Variants in OVGP1 observed in about 807,000 individuals in gnomAD.
The protein encoded by OVGP1 is oviductal glycoprotein 1, also known as oviduct-specific glycoprotein.
OVGP1 carries 26 observed loss-of-function variants against 48.2 expected under a neutral mutation model. The ratio of observed to expected loss-of-function variants is 0.54; its 90% CI spans 0.40 to 0.75. The LOEUF (loss-of-function observed/expected upper bound fraction) is 0.75, where lower values mean the gene tolerates loss of function less well. Among genes scored for constraint, OVGP1 ranks in the 30% least tolerant of loss-of-function variants. OVGP1 has a pLI of 0.00. For missense variants in OVGP1, 791 were observed against 820.6 expected (o/e 0.96, Z 0.44); for synonymous variants, 294 against 305.7 (o/e 0.96, Z 0.40).
At chr1:111,423,902 G>A (rs1239095082) in intron 4 of OVGP1, among the ~76,000 whole-genome samples, 194 bp from the exon 5 acceptor site, 1 of 152,212 alleles carries the variant, frequency 6.6e-6, no homozygotes, top group Non-Finnish European at 1.5e-5. Flanking sequence ...CAGGAGTAGG[G>A]AATTCAGGCA....
intron 6 of OVGP1, 36 bp from the exon 7 acceptor site, chr1:111,421,709 G>T: frequency 7.6e-7 from 1 of 1,308,272 alleles, no homozygotes; most frequent in Non-Finnish European, 1.1e-6. Flanking sequence ...TAAAGACTGG[G>T]CTAGCCAGAT....
Position 111,415,278 on chromosome 1 carries a change from G to C in OVGP1, c.1223C>G (p.Pro408Arg). The C allele has an allele frequency of 4.3e-6, 7 of 1,614,148 alleles. No individual in the cohort carries two copies. Among genetic ancestry groups the C allele is most frequent in the Non-Finnish European group, 5.9e-6 (7 of 1,180,018 alleles). ...SSAVNSSSTD[P>R]ERLAVTTAWT... ...TGCCGTGGTCACAGCCAGCCTTTCA[G>C]GGTCAGTGCTTGAAGAATTCACAGC... The change falls in exon 11 of 11, where the codon CCT becomes CGT. Residue 408 changes from proline to arginine, a missense_variant. Physicochemically the swap from Pro to Arg is moderately radical, Grantham distance 103. Coordinates refer to ENST00000369732, the MANE Select transcript of OVGP1 (RefSeq NM_002557.4).
chr1:111,421,616 G>C lies in OVGP1; in HGVS notation c.666C>G (p.Phe222Leu). The change falls in exon 7 of 11, where the codon TTC (phenylalanine) becomes TTG (leucine). Residue 222 changes from phenylalanine to leucine, a missense_variant. Physicochemically the swap from Phe to Leu is conservative, Grantham distance 22. Transcript: ENST00000369732. The stretch of plus-strand genomic sequence containing the variant: ...AGAAGAGGGGGCTATTATGTCCTGT[G>C]AACCTTTCCCAACTTCCATGTAAGT... Reference protein sequence around the residue: ...SYDLHGSWERFTGHNSPLFSL... With the variant: ...SYDLHGSWERLTGHNSPLFSL... 1 of 1,613,336 alleles carries C rather than the reference G, an allele frequency of 6.2e-7. No homozygotes were observed. The highest frequency in any genetic ancestry group is 8.5e-7 in the Non-Finnish European group (1 of 1,179,260).
chr1:111,426,853 T>C (rs751925258), intron 2 of OVGP1: 15 of 1,548,456 alleles, frequency 9.7e-6, no homozygotes, highest in Non-Finnish European at 1.3e-5. Flanking sequence ...TGTGAAATCC[T>C]GGTCAGAACA....
rs200108126 is a variant in OVGP1, at chr1:111,419,670, C to T, written c.960G>A (p.Pro320=). The part of the protein sequence containing the change: ...KKHWIDYQYV[P]YANKGKEWVG... Reference sequence around the variant, plus strand: ...CCCACTCTTTCCCCTTGTTGGCATACGGGACATACTGGTAATCAATCCAGT... The same window carrying T: ...CCCACTCTTTCCCCTTGTTGGCATATGGGACATACTGGTAATCAATCCAGT... Residue 320 remains proline, a synonymous_variant, in exon 9 of 11, where the codon CCG becomes CCA. Coordinates refer to ENST00000369732, the MANE Select transcript of OVGP1 (RefSeq NM_002557.4). 1.1e-4 allele frequency: 180 copies of T among 1,613,712 alleles called. No homozygotes were observed. In the Middle Eastern group the frequency reaches 3.5e-3, roughly 31 times the overall value.
At position 111,427,707 on chromosome 1, in the gene OVGP1, C is replaced by G; in HGVS notation, c.15G>C (p.Leu5Phe). Residue 5 changes from leucine to phenylalanine, a missense_variant, in exon 1 of 11, where the codon TTG becomes TTC. Physicochemically the swap from Leu to Phe is conservative, Grantham distance 22. Coordinates refer to ENST00000369732, the MANE Select transcript of OVGP1 (RefSeq NM_002557.4). ...ACCTGCCACACTCACCAACCCACAG[C>G]AACAGCTTCCACATCTCAATGGTCT... Reference protein sequence around the residue: MWKLLLWVGLVLVLK... With the variant: MWKLFLWVGLVLVLK... The G allele has an allele frequency of 6.2e-7, 1 of 1,612,798 alleles. No individual in the cohort carries two copies. The highest frequency in any genetic ancestry group is 8.5e-7 in the Non-Finnish European group (1 of 1,179,646).
chr1:111,417,914 G>C (rs1217594361), intron 9 of OVGP1, among the ~76,000 whole-genome samples: 6 of 152,182 alleles, frequency 3.9e-5, no homozygotes, highest in Admixed American at 3.9e-4. Context: ...CTTCCAGAGA[G>C]AGGAGAGAAC....
rs1476778173 is a variant in OVGP1 at position 111,423,596 on chromosome 1, C to A, written c.430G>T (p.Gly144Ter). 4.3e-6 allele frequency: 7 copies of A among 1,614,106 alleles called. No homozygotes were observed. The East Asian group carries it at 1.6e-4, about 36-fold the overall frequency. Residue 144 changes from glycine to a stop codon, truncating the protein, a stop_gained, in exon 5 of 11, where the codon GGA becomes TGA. Coordinates refer to ENST00000369732, the MANE Select transcript of OVGP1 (RefSeq NM_002557.4). LOFTEE classifies it high-confidence loss of function. Reference sequence around the variant, plus strand: ...TCATGCATGGGGCTGCCTCTTAGTCCAGGATATAAGAAGAAAAGGTCAAGA... The same window carrying A: ...TCATGCATGGGGCTGCCTCTTAGTCAAGGATATAAGAAGAAAAGGTCAAGA... Reference protein sequence around the residue: ...DGLDLFFLYPGLRGSPMHDRW... With the variant: ...DGLDLFFLYP
intron 10 of OVGP1, 88 bp downstream of exon 10, chr1:111,416,235 A>G: frequency 1.5e-6 from 2 of 1,352,028 alleles, no homozygotes; most frequent in Non-Finnish European, 2.0e-6. Context: ...ATGTTGCCTC[A>G]CCAAGGCATT....
intron 1 of OVGP1, 69 bp from the exon 2 acceptor site, chr1:111,427,160 C>A: frequency 1.2e-6 from 2 of 1,610,052 alleles, no homozygotes; most frequent in South Asian, 2.2e-5. Context: ...GCACAGCACA[C>A]CCTCTGATTA....
At chr1:111,422,848 T>C in intron 6 of OVGP1, 79 bp downstream of exon 6, 1 of 1,554,116 alleles carries the variant, frequency 6.4e-7, no homozygotes, top group South Asian at 1.1e-5. Flanking sequence ...AAAACAGTGC[T>C]TGGGAAGCTC....
rs1652404164 is a variant in OVGP1 at position 111,426,601 on chromosome 1, T to C, written c.96A>G (p.Ala32=). Residue 32 remains alanine (A), a synonymous_variant, in exon 3 of 11, where the codon GCA becomes GCG. Transcript: ENST00000369732. The part of the protein sequence containing the change: ...HKLVCYFTNW[A]HSRPGPASIL... The stretch of plus-strand genomic sequence containing the variant: ...TCGAGGCAGGGCCTGGCCGACTGTG[T>C]GCCCAGTTGGTGAAATAACACACGA... 6.2e-7 allele frequency: 1 copy of C among 1,613,948 alleles called. No homozygotes were observed. Among genetic ancestry groups the C allele is most frequent in the Non-Finnish European group, 8.5e-7 (1 of 1,180,004 alleles).
Position 111,414,773 on chromosome 1 carries a change from G to GCC in OVGP1, c.1727_1728insGG (p.Pro577AlafsTer17), listed in dbSNP as rs1652079654. On this transcript the variant is annotated frameshift_variant, in exon 11 of 11. Coordinates refer to ENST00000369732, the MANE Select transcript of OVGP1 (RefSeq NM_002557.4). LOFTEE classifies it low-confidence loss of function (END_TRUNC). ...GGGTGACTGATATGTTTCTGGAGGGGACAGTCACCTTTTCACGGGCCACAG... is the reference window on the plus strand; with the variant it reads ...GGGTGACTGATATGTTTCTGGAGGGGCCACAGTCACCTTTTCACGGGCCACAG... The GCC allele has an allele frequency of 3.1e-6, 5 of 1,607,780 alleles. No homozygotes were observed. The Admixed American group carries it at 8.4e-5, about 27-fold the overall frequency.
At position 111,416,328 on chromosome 1, in the gene OVGP1, C is replaced by T. The variant is rs752210253; in HGVS notation, c.1151G>A (p.Arg384Gln). The T allele has an allele frequency of 1.1e-5, 17 of 1,582,718 alleles. No homozygotes were observed. The highest frequency in any genetic ancestry group is 2.4e-5 in the South Asian group (2 of 85,000). ...LVYVLNDILV[R>Q]AEFSSTSLPQ... ...TCTAGGTCACAGCTACTTACCAGCC[C>T]GCACCAGGATATCATTCAATACGTA... Residue 384 changes from arginine to glutamine, a missense_variant, in exon 10 of 11, where the codon CGG (arginine) becomes CAG (glutamine). Transcript: ENST00000369732.
In OVGP1 at chr1:111,421,374, G is replaced by T. The variant is rs369486523; in HGVS notation, c.805C>A (p.Leu269Ile). Residue 269 changes from leucine to isoleucine, a missense_variant, in exon 8 of 11, where the codon CTC (leucine) becomes ATC (isoleucine). Physicochemically the swap from Leu to Ile is conservative, Grantham distance 5. Coordinates refer to ENST00000369732, the MANE Select transcript of OVGP1 (RefSeq NM_002557.4). The stretch of plus-strand genomic sequence containing the variant: ...AACCCATTCTTAGAGGCTTTGAGGA[G>T]GCGAAAGGTACGTCCATAGGTGGGG... ...GIPTYGRTFRLLKASKNGLQA... is the reference protein window; with the variant it reads ...GIPTYGRTFRILKASKNGLQA... 8 of 1,614,016 alleles carry T rather than the reference G, an allele frequency of 5.0e-6. No individual in the cohort carries two copies. The Admixed American group carries it at 1.2e-4, about 24-fold the overall frequency.
Position 111,414,894 on chromosome 1 carries a change from C to CCCACAGGGG in OVGP1, c.1606_1607insCCCCTGTGG (p.Ser536delinsThrProValGly), listed in dbSNP as rs746751491. ...TCCTCCAGGGCTCACAGACTGATGACTCACAGGGGTCACAGACTGATGACC... is the reference window on the plus strand; with the variant it reads ...TCCTCCAGGGCTCACAGACTGATGACCCACAGGGGTCACAGGGGTCACAGACTGATGACC... On this transcript the variant is annotated protein_altering_variant, in exon 11 of 11. Transcript: ENST00000369732. 11 of 746,220 alleles carry CCCACAGGGG rather than the reference C, an allele frequency of 1.5e-5. No homozygotes were observed. In the African/African-American group the frequency reaches 4.2e-4, roughly 29 times the overall value. The allele number at this position is 746,220 out of a possible 1,614,324, so 46.2% of individuals were successfully genotyped here.
chr1:111,419,533 A>C, intron 9 of OVGP1, 77 bp downstream of exon 9: 2 of 839,834 alleles, frequency 2.4e-6, no homozygotes, highest in Non-Finnish European at 4.2e-6. Context: ...ATACACATAC[A>C]TGCATTGTAC....
At chr1:111,422,578 G>A (rs771555951) in intron 6 of OVGP1, among the ~76,000 whole-genome samples, 6 of 152,126 alleles carry the variant, frequency 3.9e-5, no homozygotes, top group African/African-American at 9.7e-5. Flanking sequence ...GCCAGCATCC[G>A]CTGCATAGTG....
At position 111,415,017 on chromosome 1, in the gene OVGP1, G is replaced by T. The variant is rs201456864; in HGVS notation, c.1484C>A (p.Thr495Asn). The T allele has an allele frequency of 3.7e-5, 59 of 1,612,260 alleles. No individual in the cohort carries two copies. In the East Asian group the frequency reaches 9.1e-4, roughly 25 times the overall value. The stretch of plus-strand genomic sequence containing the variant: ...GGTCACAGATTGATGACCCACAGGG[G>T]TCAGGGCCTTCTCTCCAGGGGTCAT... ...QSMTPGEKAL[T>N]PVGHQSVTTG... The change falls in exon 11 of 11, where the codon ACC becomes AAC. Residue 495 changes from threonine to asparagine, a missense_variant. Coordinates refer to ENST00000369732, the MANE Select transcript of OVGP1 (RefSeq NM_002557.4).
Sources: allele counts gnomAD v4.1 joint callset (sites outside exome capture counted in the v4.1 genomes callset), GRCh38; gene constraint gnomAD v4.1.1; transcripts MANE v1.5; gene names NCBI Gene and HGNC (gene_info 2026-07-23, HGNC 2026-07-21).